Variants in PTPRN2 observed in about 807,000 individuals in gnomAD.
The protein encoded by PTPRN2 is receptor-type tyrosine-protein phosphatase N2.
Under a neutral mutation model 118.8 loss-of-function variants are expected in PTPRN2, and 74 were observed. The observed-to-expected ratio is 0.62, with a 90% CI of 0.52 to 0.76. The LOEUF (loss-of-function observed/expected upper bound fraction) is 0.76. Ranked by LOEUF, PTPRN2 falls within the 30% of genes least tolerant of loss-of-function variation. PTPRN2 has a pLI of 0.00. For synonymous variants in PTPRN2, 641 were observed against 608.0 expected, an observed-to-expected ratio of 1.05 and a Z score of -0.80; for missense variants, 1,481 against 1,394.4, an observed-to-expected ratio of 1.06 and a Z score of -0.99.
intron 3 of PTPRN2, among the ~76,000 whole-genome samples, chr7:158,264,758 G>A (rs1797761641): frequency 6.6e-6 from 1 of 152,168 alleles, no homozygotes; most frequent in Non-Finnish European, 1.5e-5. Context: ...ACTGAAAACT[G>A]CCCCATTCCG....
chr7:158,542,236 C>T (rs1040652422), intron 1 of PTPRN2, among the ~76,000 whole-genome samples: 6 of 152,200 alleles, frequency 3.9e-5, no homozygotes, highest in Non-Finnish European at 7.3e-5. Context: ...CTGCAACTTC[C>T]GCCTCCCAGG....
chr7:158,092,780 G>A (rs951123244), intron 10 of PTPRN2, among the ~76,000 whole-genome samples: 1 of 152,168 alleles, frequency 6.6e-6, no homozygotes. Flanking sequence ...CACAGTACAT[G>A]TTTTAGGGGC....
At chr7:157,567,053 CTT>C (rs1799521536) in intron 21 of PTPRN2, among the ~76,000 whole-genome samples, 2 of 152,136 alleles carry the variant, frequency 1.3e-5, no homozygotes, top group South Asian at 4.1e-4. Flanking sequence ...GAAGAAAAAT[CTT>C]TGTCTGAGAG....
intron 12 of PTPRN2, among the ~76,000 whole-genome samples, chr7:157,725,275 C>T (rs1223104745): frequency 7.3e-6 from 1 of 137,758 alleles, no homozygotes; most frequent in Non-Finnish European, 1.5e-5. Context: ...AGACCCTGGC[C>T]TCCCAGGAGA....
At chr7:158,449,330 C>A (rs566145405) in intron 2 of PTPRN2, among the ~76,000 whole-genome samples, 1 of 152,196 alleles carries the variant, frequency 6.6e-6, no homozygotes, top group East Asian at 1.9e-4. Flanking sequence ...TGAGGGTGGT[C>A]GGCCCACAGG....
Position 157,801,885 on chromosome 7 carries a change from C to T in PTPRN2, c.1788+96788G>A, listed in dbSNP as rs564819499. ...TGCAGGAAAACAACACAGATTTATTCTCTCACAGGAGGCCACGGTCCAGAT... is the reference window on the plus strand; with the variant it reads ...TGCAGGAAAACAACACAGATTTATTTTCTCACAGGAGGCCACGGTCCAGAT... On this transcript the variant is annotated intron_variant, in intron 12 of 22. Coordinates refer to ENST00000389418, the MANE Select transcript of PTPRN2 (RefSeq NM_002847.5). This position sits in a 1 kb window ranked among gnomAD's most constrained non-coding sequence, Gnocchi z 4.2. Among the ~76,000 whole-genome samples the T allele has an allele frequency of 1.3e-5, 2 of 152,312 alleles. No individual in the cohort carries two copies. The highest frequency in any genetic ancestry group is 1.5e-5 in the Non-Finnish European group (1 of 68,036).
At chr7:158,404,823 C>A (rs1171092605) in intron 2 of PTPRN2, among the ~76,000 whole-genome samples, 4 of 137,276 alleles carry the variant, frequency 2.9e-5, no homozygotes, top group Non-Finnish European at 6.3e-5. Context: ...CCCCGGCCCC[C>A]AGCTCCCCGG....
intron 12 of PTPRN2, among the ~76,000 whole-genome samples, chr7:157,700,947 G>T (rs1263990126): frequency 6.6e-6 from 1 of 152,184 alleles, no homozygotes; most frequent in African/African-American, 2.4e-5. Flanking sequence ...TGAGTGCTAC[G>T]GACTGCTCAT....
chr7:157,599,567 T>A (rs1271531640), intron 16 of PTPRN2, among the ~76,000 whole-genome samples: 2 of 152,166 alleles, frequency 1.3e-5, no homozygotes, highest in Non-Finnish European at 2.9e-5. Context: ...CAAACAAAGC[T>A]CATTTTAGAA....
intron 21 of PTPRN2, among the ~76,000 whole-genome samples, chr7:157,552,804 G>A (rs933933982): frequency 1.3e-5 from 2 of 152,202 alleles, no homozygotes; most frequent in South Asian, 2.1e-4. Flanking sequence ...TTTCCGCTCC[G>A]CGTGCCTATG....
At chr7:158,152,600 T>TCC (rs1484741243) in intron 6 of PTPRN2, among the ~76,000 whole-genome samples, 1 of 152,090 alleles carries the variant, frequency 6.6e-6, no homozygotes, top group Non-Finnish European at 1.5e-5. Flanking sequence ...TGGCTGGGGC[T>TCC]CCATCTCCAC....
intron 12 of PTPRN2, among the ~76,000 whole-genome samples, chr7:157,749,290 G>A (rs188649461): frequency 3.8e-4 from 55 of 146,382 alleles, no homozygotes; most frequent in Non-Finnish European, 5.9e-5. Flanking sequence ...GGGTGATTCT[G>A]AGGCCTGCGT....
At chr7:157,752,084 C>A (rs1190647395) in intron 12 of PTPRN2, among the ~76,000 whole-genome samples, 1 of 152,190 alleles carries the variant, frequency 6.6e-6, no homozygotes, top group Non-Finnish European at 1.5e-5. Context: ...GATCCACGAG[C>A]TCCTGCACCC....
At chr7:157,548,262 GAAT>G (rs992643732) in intron 22 of PTPRN2, among the ~76,000 whole-genome samples, 3 of 152,034 alleles carry the variant, frequency 2.0e-5, no homozygotes, top group African/African-American at 7.2e-5. Flanking sequence ...AACAAAAACC[GAAT>G]AAAATATAGT....
intron 2 of PTPRN2, among the ~76,000 whole-genome samples, chr7:158,333,095 C>T (rs533541083): frequency 3.4e-5 from 4 of 118,612 alleles, no homozygotes; most frequent in African/African-American, 4.0e-5. Flanking sequence ...CTCACACCCA[C>T]GCTCTCACCA....
At chr7:157,934,669 C>T (rs1461536153) in intron 11 of PTPRN2, among the ~76,000 whole-genome samples, 2 of 152,224 alleles carry the variant, frequency 1.3e-5, no homozygotes, top group African/African-American at 4.8e-5. Flanking sequence ...AGCAAAGCAT[C>T]CGGCCTTGGA....
chr7:157,851,734 A>C (rs575922361), intron 12 of PTPRN2, among the ~76,000 whole-genome samples: 3 of 152,372 alleles, frequency 2.0e-5, no homozygotes, highest in Admixed American at 6.5e-5. Flanking sequence ...GGAGGCAAAG[A>C]GCCTCTCCTG....
chr7:158,049,497 G>A (rs1284158033), intron 11 of PTPRN2, among the ~76,000 whole-genome samples: 2 of 152,126 alleles, frequency 1.3e-5, no homozygotes, highest in South Asian at 2.1e-4. Context: ...TCACTCTTTC[G>A]GACTGACCCT....
At chr7:158,446,420 G>C (rs1209046384) in intron 2 of PTPRN2, among the ~76,000 whole-genome samples, 1 of 152,060 alleles carries the variant, frequency 6.6e-6, no homozygotes, top group East Asian at 1.9e-4. Context: ...TCTGTCGTGA[G>C]AGCTGGAGCC....
Sources: allele counts gnomAD v4.1 joint callset (sites outside exome capture counted in the v4.1 genomes callset), GRCh38; gene constraint gnomAD v4.1.1; non-coding constraint Gnocchi (gnomAD v3.1); transcripts MANE v1.5; gene names NCBI Gene and HGNC (gene_info 2026-07-23, HGNC 2026-07-21).